The following TMPRSS11F variants were observed in gnomAD, a reference collection of about 807,000 sequenced individuals.
TMPRSS11F encodes the protein transmembrane protease serine 11F.
In TMPRSS11F, 47 loss-of-function variants were observed where a neutral mutation model predicts 60.2. The observed-to-expected ratio is 0.78, with a 90% CI of 0.62 to 1.00. The LOEUF is 1.00. Ranked by LOEUF, TMPRSS11F falls within the 50% of genes least tolerant of loss-of-function variation. The pLI, the probability that TMPRSS11F is intolerant of heterozygous loss-of-function variation, is 0.00. For synonymous variants in TMPRSS11F, 166 were observed against 167.3 expected (o/e 0.99, Z 0.06); for missense variants, 519 against 522.9 (o/e 0.99, Z 0.07).
chr4:68,116,565 G>A (rs2109885257), intron 1 of TMPRSS11F, among the ~76,000 whole-genome samples: 1 of 152,216 alleles, frequency 6.6e-6, no homozygotes, highest in Middle Eastern at 3.4e-3. Flanking sequence ...AACAATGCTA[G>A]AGGTACCACA....
At chr4:68,101,275 T>C (rs1000124088) in intron 1 of TMPRSS11F, among the ~76,000 whole-genome samples, 1 of 152,188 alleles carries the variant, frequency 6.6e-6, no homozygotes, top group Admixed American at 6.6e-5. Context: ...TGCCCATTTA[T>C]GTGTTTTGAA....
chr4:68,106,694 G>A (rs1724307860), intron 1 of TMPRSS11F, among the ~76,000 whole-genome samples: 1 of 152,158 alleles, frequency 6.6e-6, no homozygotes, highest in Non-Finnish European at 1.5e-5. Flanking sequence ...GAAGAAAGGT[G>A]AAATTGTGGA....
At chr4:68,062,275 A>G in intron 8 of TMPRSS11F, 1 of 426,012 alleles carries the variant, frequency 2.3e-6, no homozygotes, top group Admixed American at 3.0e-5. Context: ...ACTTCAAATC[A>G]AAAACATCTT....
At chr4:68,084,870 G>T (rs1723780827) in intron 3 of TMPRSS11F, among the ~76,000 whole-genome samples, 1 of 132,152 alleles carries the variant, frequency 7.6e-6, no homozygotes, top group Admixed American at 7.7e-5. Context: ...ATCTCCCAAT[G>T]CTATCCCTCC....
chr4:68,063,938 G>T (rs953313247), intron 8 of TMPRSS11F, among the ~76,000 whole-genome samples: 1 of 152,134 alleles, frequency 6.6e-6, no homozygotes, highest in African/African-American at 2.4e-5. Context: ...TTACATTTGC[G>T]ATTTAAATTA....
At chr4:68,107,754 T>C (rs1251497083) in intron 1 of TMPRSS11F, among the ~76,000 whole-genome samples, 1 of 152,118 alleles carries the variant, frequency 6.6e-6, no homozygotes, top group Admixed American at 6.5e-5. Context: ...CTGGCCAACA[T>C]GGTGAAACCC....
chr4:68,060,515 CAA>C (rs71218926), intron 8 of TMPRSS11F, among the ~76,000 whole-genome samples: 662 of 29,500 alleles, frequency 0.022, 3 homozygotes, highest in African/African-American at 0.1. Context: ...GACTCCAACT[CAA>C]AAAAAAAAAA....
chr4:68,099,196 C>T (rs889363119), intron 1 of TMPRSS11F, among the ~76,000 whole-genome samples, 158 bp from the exon 2 acceptor site: 1 of 152,150 alleles, frequency 6.6e-6, no homozygotes, highest in Non-Finnish European at 1.5e-5. Context: ...TGCATATCCT[C>T]CCCCGCAAAA....
chr4:68,053,748 C>A lies in TMPRSS11F; in HGVS notation c.*161G>T, dbSNP rs887275209. The A allele has an allele frequency of 1.7e-6, 1 of 585,870 alleles. No individual in the cohort carries two copies. The highest frequency in any genetic ancestry group is 2.9e-6 in the Non-Finnish European group (1 of 349,890). The allele number at this position is 585,870 out of a possible 1,614,324, so 36.3% of individuals were successfully genotyped here. On this transcript the variant is annotated 3_prime_UTR_variant, in exon 10 of 10. Coordinates refer to ENST00000356291, the MANE Select transcript of TMPRSS11F (RefSeq NM_207407.2). ...TCATGGTAGAGAGGGTTTGGTCCTACGTATGTAAAGGCCACCTCAGGATAT... is the reference window on the plus strand; with the variant it reads ...TCATGGTAGAGAGGGTTTGGTCCTAAGTATGTAAAGGCCACCTCAGGATAT...
chr4:68,080,368 A>T (rs1385991245), intron 3 of TMPRSS11F: 2 of 152,240 alleles, frequency 1.3e-5, no homozygotes, highest in African/African-American at 4.8e-5. Context: ...GAGTTGTGAG[A>T]AAAGAATTGT....
chr4:68,106,098 T>C (rs1424144440), intron 1 of TMPRSS11F, among the ~76,000 whole-genome samples: 9 of 152,152 alleles, frequency 5.9e-5, no homozygotes, highest in Non-Finnish European at 1.5e-5. Context: ...TAACTATCAT[T>C]ATTATGTCCA....
chr4:68,059,116 A>G (rs982225573), intron 9 of TMPRSS11F, among the ~76,000 whole-genome samples: 8 of 152,178 alleles, frequency 5.3e-5, no homozygotes, highest in African/African-American at 1.9e-4. Flanking sequence ...ATTACATTAA[A>G]TGAAATAATG....
intron 1 of TMPRSS11F, among the ~76,000 whole-genome samples, chr4:68,115,815 T>C (rs1724508785): frequency 6.6e-6 from 1 of 152,130 alleles, no homozygotes; most frequent in Non-Finnish European, 1.5e-5. Context: ...ACAAAATTTG[T>C]AAAATATTTA....
intron 8 of TMPRSS11F, among the ~76,000 whole-genome samples, chr4:68,064,248 G>T (rs767056843): frequency 3.4e-5 from 5 of 146,974 alleles, no homozygotes; most frequent in Middle Eastern, 3.2e-3. Context: ...GCAATGTTTC[G>T]ATCTCAGCTC....
chr4:68,116,969 A>C (rs908415900), intron 1 of TMPRSS11F, among the ~76,000 whole-genome samples: 3 of 152,196 alleles, frequency 2.0e-5, no homozygotes, highest in African/African-American at 2.4e-5. Context: ...CCAAAAGCAA[A>C]GGCAGCAAAA....
At position 68,064,906 on chromosome 4, in the gene TMPRSS11F, G is replaced by T; in HGVS notation, c.794C>A (p.Ala265Glu). ...DPTQWIATFG[A>E]TITPPAVKRN... Reference sequence around the variant, plus strand: ...TTTCACTGCGGGTGGTGTTATAGTTGCACCAAAAGTAGCAATCCATTGAGT... The same window carrying T: ...TTTCACTGCGGGTGGTGTTATAGTTTCACCAAAAGTAGCAATCCATTGAGT... The change falls in exon 8 of 10, where the codon GCA becomes GAA. Residue 265 changes from alanine (A) to glutamate (E), a missense_variant. Ala to Glu is a moderately radical substitution (Grantham distance 107, BLOSUM62 -1). Transcript: ENST00000356291. The T allele has an allele frequency of 6.2e-7, 1 of 1,613,862 alleles. No individual in the cohort carries two copies. Among genetic ancestry groups the T allele is most frequent in the East Asian group, 2.2e-5 (1 of 44,872 alleles).
At chr4:68,077,979 T>C (rs551549522) in intron 3 of TMPRSS11F, among the ~76,000 whole-genome samples, 76 of 151,988 alleles carry the variant, frequency 5.0e-4, no homozygotes, top group Non-Finnish European at 9.6e-4. Flanking sequence ...ATGAGCACGT[T>C]GGGAGATGGA....
chr4:68,086,478 C>A (rs1723815798), intron 3 of TMPRSS11F, among the ~76,000 whole-genome samples: 1 of 151,858 alleles, frequency 6.6e-6, no homozygotes. Context: ...AGAAAAACAA[C>A]AACAAACCAA....
intron 9 of TMPRSS11F, among the ~76,000 whole-genome samples, chr4:68,056,871 G>GA (rs1327369482): frequency 1.3e-5 from 2 of 152,038 alleles, no homozygotes; most frequent in African/African-American, 4.8e-5. Context: ...TAGAAAGCCA[G>GA]AAAAAAACAC....
Sources: gnomAD v4.1 joint callset for allele counts (sites outside exome capture counted in the v4.1 genomes callset) on GRCh38, gnomAD v4.1.1 for gene constraint, MANE v1.5 for transcripts, NCBI Gene and HGNC (gene_info 2026-07-23, HGNC 2026-07-21) for gene names.